The following BNC2 variants were observed in gnomAD, a reference collection of about 807,000 sequenced individuals.
BNC2 encodes the protein basonuclin zinc finger protein 2, also known as zinc finger protein basonuclin-2.
In BNC2, 20 loss-of-function variants were observed where a neutral mutation model predicts 76.3. The ratio of observed to expected loss-of-function variants is 0.26; its 90% CI spans 0.18 to 0.38. The LOEUF is 0.38. Ranked by LOEUF, BNC2 falls within the 10% of genes least tolerant of loss-of-function variation. The pLI is 1.00. For missense variants in BNC2, 1,382 were observed against 1,399.8 expected (o/e 0.99, Z 0.20); for synonymous variants, 582 against 514.8 (o/e 1.13, Z -1.77).
chr9:16,642,716 G>C (rs1821523248), intron 3 of BNC2, among the ~76,000 whole-genome samples: 1 of 152,074 alleles, frequency 6.6e-6, no homozygotes, highest in Non-Finnish European at 1.5e-5. Context: ...CACATTTTTT[G>C]TTTTCTTAAT....
At chr9:16,847,133 T>A (rs990422362) in intron 1 of BNC2, among the ~76,000 whole-genome samples, 1 of 152,056 alleles carries the variant, frequency 6.6e-6, no homozygotes, top group Non-Finnish European at 1.5e-5. Context: ...CTGCGGTAGG[T>A]CTACTTTCCA....
chr9:16,650,299 T>C (rs1821758598), intron 3 of BNC2, among the ~76,000 whole-genome samples: 1 of 152,220 alleles, frequency 6.6e-6, no homozygotes, highest in Non-Finnish European at 1.5e-5. Context: ...AAATTAGATG[T>C]ATTTTTAAAT....
chr9:16,569,108 GT>G (rs560869216), intron 4 of BNC2, among the ~76,000 whole-genome samples: 12,429 of 143,578 alleles, frequency 0.087, 1,340 homozygotes, highest in African/African-American at 0.25. Context: ...TGTACAAAGG[GT>G]TTTTTTTTTT....
At chr9:16,424,523 A>G (rs927353018) in intron 6 of BNC2, among the ~76,000 whole-genome samples, 1 of 152,222 alleles carries the variant, frequency 6.6e-6, no homozygotes, top group African/African-American at 2.4e-5. Flanking sequence ...CAACACACAC[A>G]TTCACAAATT....
chr9:16,578,509 A>G (rs1819547158), intron 4 of BNC2, among the ~76,000 whole-genome samples: 1 of 151,892 alleles, frequency 6.6e-6, no homozygotes, highest in African/African-American at 2.4e-5. Flanking sequence ...AGTAAGTAGG[A>G]CTCACTCCCA....
At chr9:16,732,157 C>CAAAAAAAAAAAAAAAAAA (rs143619331) in intron 2 of BNC2, among the ~76,000 whole-genome samples, 3 of 43,910 alleles carry the variant, frequency 6.8e-5, no homozygotes, top group Non-Finnish European at 1.3e-4. Context: ...CCATTTCCTG[C>CAAAAAAAAAAAAAAAAAA]AAAAAAAAAA....
intron 5 of BNC2, among the ~76,000 whole-genome samples, chr9:16,514,908 A>C (rs1171720532): frequency 6.6e-6 from 1 of 152,224 alleles, no homozygotes; most frequent in African/African-American, 2.4e-5. Context: ...TTGATTTTAA[A>C]AATTCCAATT....
At chr9:16,805,756 T>A (rs1389209622) in intron 1 of BNC2, among the ~76,000 whole-genome samples, 1 of 152,004 alleles carries the variant, frequency 6.6e-6, no homozygotes, top group African/African-American at 2.4e-5. Flanking sequence ...GTGTCCCTTC[T>A]GAATTCTGCT....
intron 5 of BNC2, among the ~76,000 whole-genome samples, chr9:16,445,422 A>G (rs1821212384): frequency 6.6e-6 from 1 of 152,176 alleles, no homozygotes; most frequent in African/African-American, 2.4e-5. Context: ...AACAACTGTA[A>G]TATTTGTAGG....
chr9:16,788,245 T>G (rs1219850377), intron 1 of BNC2, among the ~76,000 whole-genome samples: 2 of 152,152 alleles, frequency 1.3e-5, no homozygotes, highest in Non-Finnish European at 2.9e-5. Flanking sequence ...ACTTGGCTGA[T>G]GACACTCCAT....
intron 5 of BNC2, among the ~76,000 whole-genome samples, chr9:16,456,646 G>A (rs898290634): frequency 2.0e-5 from 3 of 151,978 alleles, no homozygotes; most frequent in Non-Finnish European, 4.4e-5. Flanking sequence ...CTCCCCAAAT[G>A]CTCTGGCAGA....
chr9:16,789,967 T>C (rs1197238212), intron 1 of BNC2, among the ~76,000 whole-genome samples: 1 of 152,196 alleles, frequency 6.6e-6, no homozygotes, highest in Non-Finnish European at 1.5e-5. Flanking sequence ...GATAATGCAA[T>C]ACCACAAAAG....
At chr9:16,808,131 G>C (rs548647259) in intron 1 of BNC2, among the ~76,000 whole-genome samples, 2 of 152,236 alleles carry the variant, frequency 1.3e-5, no homozygotes, top group East Asian at 3.9e-4. Context: ...TTCAGAGTAT[G>C]TTTCTGATAG....
chr9:16,768,744 G>A (rs1400488153), intron 1 of BNC2, among the ~76,000 whole-genome samples: 3 of 152,132 alleles, frequency 2.0e-5, no homozygotes, highest in Non-Finnish European at 2.9e-5. Flanking sequence ...CAGAAAAACT[G>A]CCTACATAAA....
At chr9:16,746,978 A>C (rs1242913796) in intron 1 of BNC2, among the ~76,000 whole-genome samples, 1 of 148,486 alleles carries the variant, frequency 6.7e-6, no homozygotes, top group Non-Finnish European at 1.5e-5. Flanking sequence ...AAAAAAAATT[A>C]ATCCATGTAA....
intron 1 of BNC2, among the ~76,000 whole-genome samples, chr9:16,850,275 A>T (rs1819098413): frequency 6.6e-6 from 1 of 152,224 alleles, no homozygotes; most frequent in African/African-American, 2.4e-5. Flanking sequence ...GGGCTACAAA[A>T]TAATAACACA....
At chr9:16,704,975 T>C (rs1823623362) in intron 3 of BNC2, 1 of 152,258 alleles carries the variant, frequency 6.6e-6, no homozygotes, top group Non-Finnish European at 1.5e-5. Context: ...TGTCATATTT[T>C]CTTCAGCTGT....
intron 3 of BNC2, among the ~76,000 whole-genome samples, chr9:16,720,778 A>G (rs1366008749): frequency 6.6e-6 from 1 of 152,184 alleles, no homozygotes; most frequent in Non-Finnish European, 1.5e-5. Context: ...TTTTTCCACA[A>G]GCATTTCCAT....
At chr9:16,429,837 T>C (rs920029435) in intron 6 of BNC2, 18 of 454,442 alleles carry the variant, frequency 4.0e-5, no homozygotes, top group South Asian at 2.2e-4. Context: ...GCAGTTCTTG[T>C]AGTGGAGGAG....
Sources: allele counts gnomAD v4.1 joint callset (sites outside exome capture counted in the v4.1 genomes callset), GRCh38; gene constraint gnomAD v4.1.1; transcripts MANE v1.5; gene names NCBI Gene and HGNC (gene_info 2026-07-23, HGNC 2026-07-21).